NFIC: variants seen among roughly 807,000 people sequenced by gnomAD.
The protein encoded by NFIC is nuclear factor 1 C-type.
A neutral mutation model predicts 54.4 loss-of-function variants in NFIC; 12 were observed. That is an observed-to-expected ratio of 0.22 (90% CI 0.14 to 0.36). The LOEUF is 0.36. Ranked by LOEUF, NFIC falls within the 10% of genes least tolerant of loss-of-function variation. The pLI is 1.00. For synonymous variants in NFIC, 322 were observed against 319.2 expected (o/e 1.01, Z -0.09); for missense variants, 575 against 718.2 (o/e 0.80, Z 2.28).
At position 3,463,665 on chromosome 19, in the gene NFIC, C is replaced by T. The variant is rs1464476638; in HGVS notation, c.*896C>T. The T allele has an allele frequency of 1.0e-6, 1 of 982,148 alleles. No individual in the cohort carries two copies. Among genetic ancestry groups the T allele is most frequent in the East Asian group, 1.2e-4 (1 of 8,690 alleles). The allele number at this position is 982,148 out of a possible 1,614,324, so 60.8% of individuals were successfully genotyped here. On this transcript the variant is annotated 3_prime_UTR_variant, in exon 11 of 11. Transcript: ENST00000443272. ...CGGCATAGGAGGCCCCCCCACCTCG[C>T]CCGGCTCACACCCCCAAAGGGAGGG...
At chr19:3,366,964 C>G (rs1423640659) in intron 1 of NFIC, among the ~76,000 whole-genome samples, 1 of 148,880 alleles carries the variant, frequency 6.7e-6, no homozygotes. Flanking sequence ...TTGCGTCCCC[C>G]CCCCACACAC....
In NFIC at chr19:3,456,360, C is replaced by G. The variant is rs116878846; in HGVS notation, c.1424-190C>G. ...CCCTCGAGTCAGGATCCCCGCCTCCCAAGGACCTTGGGCCTTTCAGGGGGG... is the reference window on the plus strand; with the variant it reads ...CCCTCGAGTCAGGATCCCCGCCTCCGAAGGACCTTGGGCCTTTCAGGGGGG... On this transcript the variant is annotated intron_variant, in intron 9 of 10. Coordinates refer to ENST00000443272, the MANE Select transcript of NFIC (RefSeq NM_001245002.2). Among the ~76,000 whole-genome samples, 244 of 152,304 alleles carry G rather than the reference C, an allele frequency of 1.6e-3. 4 individuals carry two copies. The East Asian group carries it at 0.041, about 26-fold the overall frequency.
chr19:3,366,791 T>G, intron 1 of NFIC, 125 bp downstream of exon 1: 2 of 599,148 alleles, frequency 3.3e-6, no homozygotes, highest in Non-Finnish European at 5.3e-6. Flanking sequence ...CTGCCCGGGA[T>G]GCCCCCCGCG....
intron 1 of NFIC, among the ~76,000 whole-genome samples, chr19:3,371,142 G>A (rs10413505): frequency 0.1 from 15,438 of 152,044 alleles, 916 homozygotes; most frequent in East Asian, 0.3. Flanking sequence ...CCAAATAACT[G>A]CTATAGAGTG....
intron 2 of NFIC, 85 bp downstream of exon 2, chr19:3,382,328 A>G (rs2081225209): frequency 6.5e-7 from 1 of 1,527,998 alleles, no homozygotes; most frequent in South Asian, 1.2e-5. Flanking sequence ...CTGAGGGAGG[A>G]GGCCAGTGCG....
chr19:3,437,030 A>C (rs1426114294), intron 6 of NFIC, among the ~76,000 whole-genome samples: 3 of 152,106 alleles, frequency 2.0e-5, no homozygotes, highest in Non-Finnish European at 4.4e-5. Context: ...CCCATGCGAC[A>C]TACCCGGGAA....
At chr19:3,386,042 A>G (rs2081290860) in intron 2 of NFIC, among the ~76,000 whole-genome samples, 1 of 151,368 alleles carries the variant, frequency 6.6e-6, no homozygotes, top group Non-Finnish European at 1.5e-5. Context: ...TCCCACTGCC[A>G]GACCTTTCCT....
intron 2 of NFIC, among the ~76,000 whole-genome samples, chr19:3,405,594 T>TA (rs959771334): frequency 6.6e-6 from 1 of 151,750 alleles, no homozygotes; most frequent in Non-Finnish European, 1.5e-5. Context: ...TAATTTAATT[T>TA]ATTTATTTAT....
Position 3,396,693 on chromosome 19 carries a change from C to T in NFIC, c.562+14450C>T, listed in dbSNP as rs922156964. ...GCCCAGGGCCGAGCACGGCGGCTCA[C>T]ACCTGTAATCCCAGCACTTGCAGAG... is the stretch of plus-strand genomic sequence containing the variant. On this transcript the variant is annotated intron_variant, in intron 2 of 10. Transcript: ENST00000443272. Among the ~76,000 whole-genome samples the T allele has an allele frequency of 6.6e-5, 10 of 152,342 alleles. No homozygotes were observed. The East Asian group carries it at 1.7e-3, about 26-fold the overall frequency.
At chr19:3,371,937 TTCCCTCCCTC>T (rs2081022104) in intron 1 of NFIC, among the ~76,000 whole-genome samples, 1 of 87,670 alleles carries the variant, frequency 1.1e-5, no homozygotes, top group Admixed American at 1.2e-4. Flanking sequence ...CCTTCCTTCC[TTCCCTCCCTC>T]CCTCCCTCCT....
chr19:3,424,969 T>C, intron 2 of NFIC, 137 bp from the exon 3 acceptor site: 1 of 816,418 alleles, frequency 1.2e-6, no homozygotes, highest in Non-Finnish European at 1.9e-6. Context: ...CCCCAGGGCC[T>C]GGGTGTGTTT....
intron 6 of NFIC, among the ~76,000 whole-genome samples, chr19:3,441,285 G>A (rs1172023500): frequency 6.6e-6 from 1 of 152,228 alleles, no homozygotes; most frequent in Admixed American, 6.5e-5. Flanking sequence ...CCACGTGGCC[G>A]TTCCCAGCGG....
Position 3,453,669 on chromosome 19 carries a change from C to T in NFIC, c.1270-94C>T. On this transcript the variant is annotated intron_variant, in intron 8 of 10. Transcript: ENST00000443272. The surrounding 1 kb of genome is among the most constrained non-coding windows in gnomAD (Gnocchi z 6.7). ...CTGGCCCCCCAGCCTGCCACCCCGT[C>T]CGGGCCGTGCACAGAGCCGGGGGCG... 3 of 1,471,442 alleles carry T rather than the reference C, an allele frequency of 2.0e-6. No homozygotes were observed. Among genetic ancestry groups the T allele is most frequent in the Admixed American group, 5.9e-5 (2 of 33,772 alleles). The allele number at this position is 1,471,442 out of a possible 1,614,324, so 91.1% of individuals were successfully genotyped here. A position where few individuals can be genotyped will look rare whatever the true frequency, so the allele number is the denominator to read the frequency against.
At chr19:3,456,684 G>T (rs1373641043) in intron 10 of NFIC, 49 bp downstream of exon 10, 1 of 1,355,928 alleles carries the variant, frequency 7.4e-7, no homozygotes, top group Non-Finnish European at 1.0e-6. Flanking sequence ...AGGGCAGAGG[G>T]GCCGGCCCGG....
chr19:3,428,179 A>G (rs1327753853), intron 3 of NFIC, among the ~76,000 whole-genome samples: 1 of 151,424 alleles, frequency 6.6e-6, no homozygotes, highest in Non-Finnish European at 1.5e-5. Flanking sequence ...CTCAAAAAAA[A>G]AAAAAAGAAA....
At chr19:3,420,939 T>G (rs1429261334) in intron 2 of NFIC, among the ~76,000 whole-genome samples, 1 of 152,160 alleles carries the variant, frequency 6.6e-6, no homozygotes, top group Non-Finnish European at 1.5e-5. Flanking sequence ...GGCAGAATGG[T>G]CTTGAACTCC....
chr19:3,449,239 T>C, intron 7 of NFIC, 100 bp downstream of exon 7: 2 of 1,483,164 alleles, frequency 1.3e-6, no homozygotes, highest in Non-Finnish European at 1.8e-6. Flanking sequence ...ATGAGTCCTA[T>C]TGCTGTAGCC....
chr19:3,410,044 CTTTT>C (rs34960163), intron 2 of NFIC, among the ~76,000 whole-genome samples: 1 of 150,004 alleles, frequency 6.7e-6, no homozygotes, highest in Admixed American at 6.6e-5. Context: ...TGCGTCTCTA[CTTTT>C]TTTTTTTCCT....
At chr19:3,432,668 C>G (rs535997012) in intron 3 of NFIC, among the ~76,000 whole-genome samples, 14 of 137,512 alleles carry the variant, frequency 1.0e-4, no homozygotes, top group African/African-American at 3.7e-4. Flanking sequence ...CCGCTTTCCG[C>G]TCTTTTTTTT....
Sources: gnomAD v4.1 joint callset for allele counts (sites outside exome capture counted in the v4.1 genomes callset) on GRCh38, gnomAD v4.1.1 for gene constraint, Gnocchi (gnomAD v3.1) non-coding constraint, MANE v1.5 for transcripts, NCBI Gene and HGNC (gene_info 2026-07-23, HGNC 2026-07-21) for gene names.